Variants in NRF1 observed in about 807,000 individuals in gnomAD.
The protein encoded by NRF1 is nuclear respiratory factor 1, also known as alpha palindromic-binding protein.
In NRF1, 5 loss-of-function variants were observed where a neutral mutation model predicts 58.5. The observed-to-expected ratio is 0.09, with a 90% CI of 0.04 to 0.18. The LOEUF (loss-of-function observed/expected upper bound fraction) is 0.18. Among genes scored for constraint, NRF1 ranks in the 10% least tolerant of loss-of-function variants. NRF1 has a pLI of 1.00. For missense variants in NRF1, 288 were observed against 657.7 expected (o/e 0.44, Z 6.15); for synonymous variants, 224 against 246.7 (o/e 0.91, Z 0.86).
chr7:129,660,932 C>G (rs748521467), intron 2 of NRF1, among the ~76,000 whole-genome samples: 1 of 151,234 alleles, frequency 6.6e-6, no homozygotes, highest in African/African-American at 2.5e-5. Context: ...CTATGAGGGT[C>G]CCGCCCCTGC....
Position 129,755,741 on chromosome 7 carries a change from A to T in NRF1, c.*560A>T, listed in dbSNP as rs1006525000. On this transcript the variant is annotated 3_prime_UTR_variant, in exon 11 of 11. Transcript: ENST00000393232. The surrounding 1 kb of genome is among the most constrained non-coding windows in gnomAD (Gnocchi z 5.8). ...TCAGGCGGAGGTGACCATGCCCTTC[A>T]CCAAAGCTGCCTCCCAGTGGCCACA... 2 of 152,880 alleles carry T rather than the reference A, an allele frequency of 1.3e-5. No individual in the cohort carries two copies. The highest frequency in any genetic ancestry group is 2.9e-5 in the Non-Finnish European group (2 of 68,144). 9.5% of individuals were successfully genotyped at this position (152,880 alleles called of 1,614,324 possible). A position where few individuals can be genotyped will look rare whatever the true frequency, so the allele number is the denominator to read the frequency against.
chr7:129,740,178 A>T (rs146409415), intron 10 of NRF1, among the ~76,000 whole-genome samples: 1 of 152,062 alleles, frequency 6.6e-6, no homozygotes, highest in African/African-American at 2.4e-5. Flanking sequence ...TGACTCCCCA[A>T]TCTCCCCCAT....
intron 5 of NRF1, among the ~76,000 whole-genome samples, chr7:129,699,981 A>AG (rs1342191745): frequency 6.6e-6 from 1 of 151,034 alleles, no homozygotes; most frequent in Admixed American, 6.6e-5. Context: ...CCACTAAAAA[A>AG]AAAAAAAAAT....
intron 5 of NRF1, 95 bp from the exon 6 acceptor site, chr7:129,708,979 GA>G: frequency 9.2e-7 from 1 of 1,092,882 alleles, no homozygotes; most frequent in East Asian, 2.9e-5. Context: ...GACCTTCCTG[GA>G]AACCTCTCTG....
At chr7:129,747,107 G>A (rs940963649) in intron 10 of NRF1, among the ~76,000 whole-genome samples, 1 of 152,100 alleles carries the variant, frequency 6.6e-6, no homozygotes, top group African/African-American at 2.4e-5. Context: ...GCTCTGCCTG[G>A]CTCAAGTCTG....
intron 9 of NRF1, among the ~76,000 whole-genome samples, chr7:129,725,562 G>T (rs1803433437): frequency 6.6e-6 from 1 of 152,072 alleles, no homozygotes; most frequent in African/African-American, 2.4e-5. Flanking sequence ...CCCGACCTCA[G>T]GTGATCCGCC....
rs1195656482 is a variant in NRF1, at chr7:129,755,140, A to G, written c.1471A>G (p.Met491Val). 2 of 1,613,534 alleles carry G rather than the reference A, an allele frequency of 1.2e-6. No individual in the cohort carries two copies. Among genetic ancestry groups the G allele is most frequent in the African/African-American group, 1.3e-5 (1 of 74,900 alleles). The change falls in exon 11 of 11, where the codon ATG becomes GTG. Residue 491 changes from methionine to valine, a missense_variant. This residue lies in a region of NRF1 where 28 missense variants were observed against 32.6 expected (regional missense o/e 0.86). Coordinates refer to ENST00000393232, the MANE Select transcript of NRF1 (RefSeq NM_005011.5). This position sits in a 1 kb window ranked among gnomAD's most constrained non-coding sequence, Gnocchi z 5.8. ...CAGGATATCAGACAGCGCAGTCACC[A>G]TGGACGGCCAAGCTGTGGAGGTGGT... ...TTRISDSAVT[M>V]DGQAVEVVTL...
intron 3 of NRF1, among the ~76,000 whole-genome samples, chr7:129,676,864 A>G (rs1802191232): frequency 6.6e-6 from 1 of 152,242 alleles, no homozygotes; most frequent in Non-Finnish European, 1.5e-5. Context: ...TGCTTGTAGT[A>G]TTTTTGGACA....
At chr7:129,643,410 A>G (rs1801337519) in intron 1 of NRF1, among the ~76,000 whole-genome samples, 1 of 152,120 alleles carries the variant, frequency 6.6e-6, no homozygotes, top group Non-Finnish European at 1.5e-5. Context: ...AATTTACGTT[A>G]TTTTTCCATA....
intron 10 of NRF1, among the ~76,000 whole-genome samples, chr7:129,739,830 A>G (rs1387768663): frequency 1.3e-5 from 2 of 152,196 alleles, no homozygotes; most frequent in Non-Finnish European, 2.9e-5. Flanking sequence ...TAGCCCGCCA[A>G]AAGATCAAAT....
chr7:129,722,985 T>G (rs1307121779), intron 9 of NRF1, among the ~76,000 whole-genome samples: 1 of 152,256 alleles, frequency 6.6e-6, no homozygotes, highest in African/African-American at 2.4e-5. Context: ...TTCTTCAGAC[T>G]ATCACACAGC....
intron 10 of NRF1, among the ~76,000 whole-genome samples, chr7:129,733,465 C>CAAA (rs11378403): frequency 0.014 from 2,057 of 143,514 alleles, 26 homozygotes; most frequent in Non-Finnish European, 0.021. Flanking sequence ...GACTCCGTCT[C>CAAA]AAAAAAAAAA....
intron 2 of NRF1, among the ~76,000 whole-genome samples, chr7:129,660,430 C>T (rs1801753777): frequency 6.6e-6 from 1 of 151,010 alleles, no homozygotes; most frequent in South Asian, 2.1e-4. Context: ...GCAAGTCCCT[C>T]TGCCTATGAG....
At chr7:129,683,210 A>C (rs777108894) in intron 4 of NRF1, among the ~76,000 whole-genome samples, 2 of 151,890 alleles carry the variant, frequency 1.3e-5, no homozygotes, top group Non-Finnish European at 2.9e-5. Context: ...GCCCCAGAGA[A>C]TATTTTCTGA....
intron 10 of NRF1, among the ~76,000 whole-genome samples, chr7:129,745,172 A>G (rs576236784): frequency 1.3e-5 from 2 of 152,048 alleles, no homozygotes; most frequent in Non-Finnish European, 2.9e-5. Context: ...TTTCCATTTT[A>G]AAATATTGGT....
chr7:129,637,159 C>G (rs1801183947), intron 1 of NRF1, among the ~76,000 whole-genome samples: 1 of 151,890 alleles, frequency 6.6e-6, no homozygotes, highest in Admixed American at 6.6e-5. Context: ...CTTTAACTCT[C>G]TGCATTCCCA....
intron 1 of NRF1, among the ~76,000 whole-genome samples, chr7:129,617,789 G>A (rs1800687514): frequency 6.6e-6 from 1 of 152,150 alleles, no homozygotes; most frequent in East Asian, 1.9e-4. Context: ...TTTCACATAG[G>A]GGAAGTTTGA....
At chr7:129,631,815 A>G (rs1801055904) in intron 1 of NRF1, among the ~76,000 whole-genome samples, 1 of 152,226 alleles carries the variant, frequency 6.6e-6, no homozygotes, top group African/African-American at 2.4e-5. Flanking sequence ...AAAATAATGT[A>G]TATATTTAAG....
At chr7:129,674,426 C>G (rs1023131970) in intron 3 of NRF1, among the ~76,000 whole-genome samples, 2 of 151,702 alleles carry the variant, frequency 1.3e-5, no homozygotes, top group African/African-American at 2.4e-5. Context: ...AATGTACATA[C>G]CGTAATTTTA....
Sources: gnomAD v4.1 joint callset for allele counts (sites outside exome capture counted in the v4.1 genomes callset) on GRCh38, gnomAD v4.1.1 for gene constraint, gnomAD v4.1.1 regional missense constraint, Gnocchi (gnomAD v3.1) non-coding constraint, MANE v1.5 for transcripts, NCBI Gene and HGNC (gene_info 2026-07-23, HGNC 2026-07-21) for gene names.